The following DPP6 variants were observed in gnomAD, a reference collection of about 807,000 sequenced individuals.
DPP6 encodes dipeptidyl peptidase like 6.
DPP6 carries 69 observed loss-of-function variants against 122.6 expected under a neutral mutation model. The observed-to-expected ratio is 0.56, with a 90% CI of 0.46 to 0.69. The LOEUF (loss-of-function observed/expected upper bound fraction) is 0.69. Among genes scored for constraint, DPP6 ranks in the 30% least tolerant of loss-of-function variants. DPP6 has a pLI of 0.00. For synonymous variants in DPP6, 418 were observed against 433.1 expected (o/e 0.97, Z 0.43); for missense variants, 928 against 1,116.9 (o/e 0.83, Z 2.41).
At chr7:153,885,529 A>G (rs1394542519), upstream of DPP6, among the ~76,000 whole-genome samples, 2 of 152,188 alleles carry the variant, frequency 1.3e-5, no homozygotes, top group Non-Finnish European at 2.9e-5. Context: ...ACCAGAAATC[A>G]GATTCTCACC....
intron 1 of DPP6, among the ~76,000 whole-genome samples, chr7:154,064,953 C>T (rs1802584865): frequency 2.0e-5 from 3 of 152,154 alleles, no homozygotes; most frequent in South Asian, 4.1e-4. Context: ...TGCAGCGTCT[C>T]CTCCTCAAAT....
At chr7:154,501,363 G>A (rs1203451962) in intron 3 of DPP6, among the ~76,000 whole-genome samples, 1 of 152,122 alleles carries the variant, frequency 6.6e-6, no homozygotes, top group Admixed American at 6.6e-5. Flanking sequence ...ATGTCTCCAG[G>A]CCATGTCAGA....
At chr7:154,479,222 A>C (rs1050028025) in intron 3 of DPP6, among the ~76,000 whole-genome samples, 1 of 152,184 alleles carries the variant, frequency 6.6e-6, no homozygotes, top group African/African-American at 2.4e-5. Context: ...TGTTTGTTGC[A>C]ACTACTGGGG....
chr7:154,698,997 G>T lies in DPP6; in HGVS notation c.763-28770G>T, dbSNP rs573808565. On this transcript the variant is annotated intron_variant, in intron 7 of 25. Coordinates refer to ENST00000377770, the MANE Select transcript of DPP6 (RefSeq NM_130797.4). ...ATAACGAGCCCCTGTAGGCTGCAGA[G>T]AGGTTGGCTGCTGGTCACACCACCC... 7.2e-5 allele frequency among the ~76,000 whole-genome samples: 11 copies of T among 152,306 alleles called. No individual in the cohort carries two copies. In the South Asian group the frequency reaches 2.3e-3, roughly 32 times the overall value.
chr7:154,436,053 T>C (rs920983977), intron 1 of DPP6, among the ~76,000 whole-genome samples: 5 of 152,154 alleles, frequency 3.3e-5, no homozygotes, highest in African/African-American at 9.7e-5. Flanking sequence ...TAGGCACTTT[T>C]CTGATGTCAG....
intron 1 of DPP6, chr7:154,094,812 G>C (rs2150558190): frequency 6.6e-6 from 1 of 152,332 alleles, no homozygotes; most frequent in Non-Finnish European, 1.5e-5. Context: ...CCTCGCTGCT[G>C]AGAGTAAGTT....
chr7:154,308,674 C>A (rs1470681521), intron 1 of DPP6, among the ~76,000 whole-genome samples: 1 of 152,162 alleles, frequency 6.6e-6, no homozygotes, highest in Non-Finnish European at 1.5e-5. Context: ...CTTAAATTTA[C>A]TATATTCTCA....
At chr7:154,063,132 C>G (rs1377975654) in intron 1 of DPP6, among the ~76,000 whole-genome samples, 1 of 131,942 alleles carries the variant, frequency 7.6e-6, no homozygotes, top group Non-Finnish European at 1.7e-5. Flanking sequence ...GAGGCACCCC[C>G]CACGAGAGTG....
chr7:154,415,871 A>T (rs1300332209), intron 1 of DPP6, among the ~76,000 whole-genome samples: 3 of 151,494 alleles, frequency 2.0e-5, no homozygotes, highest in African/African-American at 7.3e-5. Context: ...CAAGGCTAGA[A>T]TTGTACTCGA....
chr7:154,516,214 G>T (rs999872088), intron 3 of DPP6, among the ~76,000 whole-genome samples: 4 of 150,944 alleles, frequency 2.6e-5, no homozygotes, highest in Non-Finnish European at 5.9e-5. Flanking sequence ...GTGTTTTCCT[G>T]CTTTCCCAGA....
chr7:153,749,788 G>C, the DPP6 span, among the ~76,000 whole-genome samples: 1 of 152,114 alleles, frequency 6.6e-6, no homozygotes, highest in African/African-American at 2.4e-5. The surrounding 1 kb of genome is among the most constrained non-coding windows in gnomAD (Gnocchi z 4.1). Context: ...CCTTACCCGG[G>C]TTACATAGGG....
chr7:154,473,716 A>G (rs1314212114), intron 2 of DPP6, among the ~76,000 whole-genome samples: 1 of 152,236 alleles, frequency 6.6e-6, no homozygotes, highest in African/African-American at 2.4e-5. Flanking sequence ...ACAAAATTAA[A>G]AGAGGCAAAT....
At chr7:154,008,981 A>T (rs1798043581) in intron 1 of DPP6, among the ~76,000 whole-genome samples, 1 of 136,226 alleles carries the variant, frequency 7.3e-6, no homozygotes, top group South Asian at 2.5e-4. Flanking sequence ...ATTATTTCTA[A>T]CTCACAAGAG....
chr7:154,102,879 AT>A (rs1805852929), intron 1 of DPP6, among the ~76,000 whole-genome samples: 1 of 152,122 alleles, frequency 6.6e-6, no homozygotes, highest in South Asian at 2.1e-4. Flanking sequence ...CATCCACAGG[AT>A]TTTATGGAAT....
At chr7:154,301,960 G>A (rs1227654466) in intron 1 of DPP6, among the ~76,000 whole-genome samples, 1 of 152,002 alleles carries the variant, frequency 6.6e-6, no homozygotes, top group Non-Finnish European at 1.5e-5. Context: ...TAGGACTACA[G>A]GAGCGTGACA....
At chr7:154,362,032 G>A (rs1309053320) in intron 1 of DPP6, among the ~76,000 whole-genome samples, 2 of 152,180 alleles carry the variant, frequency 1.3e-5, no homozygotes, top group African/African-American at 4.8e-5. Flanking sequence ...CCACAAGAGG[G>A]GAACCACTGT....
intron 1 of DPP6, among the ~76,000 whole-genome samples, chr7:154,363,705 A>G (rs982030413): frequency 5.3e-5 from 8 of 152,310 alleles, no homozygotes; most frequent in African/African-American, 1.9e-4. Context: ...ATTGTAGCTG[A>G]ATTTAATATA....
chr7:154,882,025 A>T (rs1462969705), intron 21 of DPP6, among the ~76,000 whole-genome samples: 1 of 152,148 alleles, frequency 6.6e-6, no homozygotes, highest in African/African-American at 2.4e-5. Context: ...AAAGGCAGGG[A>T]GCCTGGGCCG....
chr7:154,492,074 CTGCTAGG>C (rs1326555187), intron 3 of DPP6, among the ~76,000 whole-genome samples: 3 of 152,170 alleles, frequency 2.0e-5, no homozygotes, highest in Non-Finnish European at 4.4e-5. Flanking sequence ...GATAAAAGTG[CTGCTAGG>C]TGCCTAAAGC....
Sources: allele counts gnomAD v4.1 joint callset (sites outside exome capture counted in the v4.1 genomes callset), GRCh38; gene constraint gnomAD v4.1.1; non-coding constraint Gnocchi (gnomAD v3.1); transcripts MANE v1.5; gene names NCBI Gene and HGNC (gene_info 2026-07-23, HGNC 2026-07-21).